ARAP2: variants seen among roughly 807,000 people sequenced by gnomAD.
The protein encoded by ARAP2 is arf-GAP with Rho-GAP domain, ANK repeat and PH domain-containing protein 2.
A neutral mutation model predicts 194.5 loss-of-function variants in ARAP2; 148 were observed. The observed-to-expected ratio is 0.76, with a 90% CI of 0.67 to 0.87. ARAP2 has a LOEUF of 0.87. ARAP2 is among the 40% of genes least tolerant of loss of function. The pLI is 0.00. For synonymous variants in ARAP2, 695 were observed against 683.5 expected (o/e 1.02, Z -0.26); for missense variants, 2,128 against 1,989.7 (o/e 1.07, Z -1.32).
chr4:36,136,678 A>C (rs1726791346), intron 19 of ARAP2, among the ~76,000 whole-genome samples: 1 of 151,834 alleles, frequency 6.6e-6, no homozygotes, highest in Non-Finnish European at 1.5e-5. Flanking sequence ...TTATACAAAA[A>C]TAAAATAGTA....
At chr4:36,156,443 G>GAA (rs1553923351) in intron 15 of ARAP2, among the ~76,000 whole-genome samples, 9 of 16,250 alleles carry the variant, frequency 5.5e-4, no homozygotes, top group African/African-American at 1.6e-3. Context: ...AAGAAAGAAA[G>GAA]AGAAAGAAAG....
At chr4:36,121,397 T>G (rs1722650344) in intron 22 of ARAP2, 71 bp from the exon 23 acceptor site, 2 of 1,414,524 alleles carry the variant, frequency 1.4e-6, no homozygotes, top group Non-Finnish European at 1.9e-6. Flanking sequence ...AAAGCCAGTT[T>G]ATCAATTTTT....
At chr4:36,207,490 T>G (rs1745811377) in intron 6 of ARAP2, among the ~76,000 whole-genome samples, 1 of 152,226 alleles carries the variant, frequency 6.6e-6, no homozygotes, top group Admixed American at 6.5e-5. Context: ...ATTTCTTTTG[T>G]TGTATGGTGT....
At position 36,068,131 on chromosome 4, in the gene ARAP2, G is replaced by A. The variant is rs747621294; in HGVS notation, c.4891C>T (p.Arg1631Trp). The A allele has an allele frequency of 1.5e-5, 25 of 1,613,986 alleles. No individual in the cohort carries two copies. The highest frequency in any genetic ancestry group is 8.3e-5 in the Admixed American group (5 of 60,000). ...DKLRNRPRKH[R>W]SFNCLEDTEP... ...GTGTCCTCCAGGCAGTTGAAACTCC[G>A]ATGTTTTCGGGGTCGATTTCGAAGT... Residue 1631 changes from arginine (R) to tryptophan (W), a missense_variant, in exon 33 of 33, where the codon CGG becomes TGG. By Grantham distance (101) the Arg-to-Trp change is moderately radical. Coordinates refer to ENST00000303965, the MANE Select transcript of ARAP2 (RefSeq NM_015230.4).
At chr4:36,234,537 G>A (rs1257793059) in intron 1 of ARAP2, among the ~76,000 whole-genome samples, 1 of 152,170 alleles carries the variant, frequency 6.6e-6, no homozygotes, top group Non-Finnish European at 1.5e-5. Flanking sequence ...CTGTTCCATA[G>A]ATAGTGTAAT....
chr4:36,014,307 A>AG lies in ARAP2; in HGVS notation n.1056+1078_1056+1079insC, dbSNP rs1560264731. Among the ~76,000 whole-genome samples the AG allele has an allele frequency of 1.0e-3, 127 of 125,636 alleles. 10 individuals carry two copies. The highest frequency in any genetic ancestry group is 3.6e-3 in the African/African-American group (119 of 32,654). The allele number at this position is 125,636 out of a possible 152,430, so 82.4% of individuals were successfully genotyped here. On this transcript the variant is annotated intron_variant and non_coding_transcript_variant, in intron 8 of 12. Coordinates refer to the ARAP2 transcript ENST00000503225. ...AAAGAAAGAAAGAAAGAAGAGAAGG[A>AG]AGGAAAGAAAGAAAGAGAGAAAGAA... is the stretch of plus-strand genomic sequence containing the variant.
In ARAP2 at chr4:36,083,401, C is replaced by G; in HGVS notation, c.4475G>C (p.Arg1492Pro). The change falls in exon 29 of 33, where the codon CGT becomes CCT. Residue 1492 changes from arginine (R) to proline (P), a missense_variant. Physicochemically the swap from Arg to Pro is moderately radical, Grantham distance 103. Coordinates refer to ENST00000303965, the MANE Select transcript of ARAP2 (RefSeq NM_015230.4). ...AGGCTTCATTTTCTTTTTCACTCCACGATAAAACTTCATGGAACTGAGAGA... is the reference window on the plus strand; with the variant it reads ...AGGCTTCATTTTCTTTTTCACTCCAGGATAAAACTTCATGGAACTGAGAGA... ...MFSLSSMKFY[R>P]GVKKKMKPPT... is the part of the protein sequence containing the mutation. The G allele has an allele frequency of 6.2e-7, 1 of 1,608,566 alleles. No individual in the cohort carries two copies. The highest frequency in any genetic ancestry group is 8.5e-7 in the Non-Finnish European group (1 of 1,177,974).
At chr4:36,062,751 A>C (rs1724674871), downstream of ARAP2, among the ~76,000 whole-genome samples, 1 of 152,152 alleles carries the variant, frequency 6.6e-6, no homozygotes, top group Non-Finnish European at 1.5e-5. Flanking sequence ...ACTCATAAAA[A>C]GGGTTAAATC....
intron 5 of ARAP2, among the ~76,000 whole-genome samples, chr4:36,212,098 T>A (rs968833606): frequency 2.0e-5 from 3 of 152,188 alleles, no homozygotes; most frequent in African/African-American, 7.2e-5. Context: ...TAACATAACC[T>A]CTCATCTTTA....
chr4:36,147,816 T>C (rs1469247473), intron 17 of ARAP2, 70 bp from the exon 18 acceptor site: 1 of 1,227,634 alleles, frequency 8.1e-7, no homozygotes, highest in Non-Finnish European at 1.1e-6. Context: ...TCTACTGATA[T>C]GAGAGAAGGT....
chr4:36,209,614 G>A (rs1746296867), intron 6 of ARAP2, among the ~76,000 whole-genome samples: 1 of 152,004 alleles, frequency 6.6e-6, no homozygotes, highest in East Asian at 1.9e-4. Flanking sequence ...AAGAGAATAG[G>A]AGTGAAAACC....
intron 7 of ARAP2, 43 bp downstream of exon 7, chr4:36,193,535 A>G (rs370385178): frequency 3.8e-5 from 50 of 1,330,616 alleles, no homozygotes; most frequent in Non-Finnish European, 4.8e-5. Flanking sequence ...TACTCTTCGT[A>G]TGCATAAAAA....
intron 10 of ARAP2, among the ~76,000 whole-genome samples, chr4:36,165,912 C>T (rs1287153066): frequency 1.3e-5 from 2 of 152,078 alleles, no homozygotes; most frequent in African/African-American, 4.8e-5. Context: ...TCACAGCTAA[C>T]ATATTCTAAA....
chr4:36,026,022 AAAC>A (rs1191725926), intron 5 of ARAP2, among the ~76,000 whole-genome samples: 3 of 152,174 alleles, frequency 2.0e-5, no homozygotes, highest in Non-Finnish European at 4.4e-5. Flanking sequence ...TGCTGAAGGA[AAAC>A]AACAATTTAG....
chr4:36,117,167 A>G (rs1172406359), intron 24 of ARAP2, 32 bp from the exon 25 acceptor site: 2 of 1,468,216 alleles, frequency 1.4e-6, no homozygotes, highest in East Asian at 4.7e-5. Flanking sequence ...AACAACACAG[A>G]TAAACATATT....
At chr4:36,048,342 AG>A (rs1460702911) in intron 3 of ARAP2, among the ~76,000 whole-genome samples, 1 of 151,998 alleles carries the variant, frequency 6.6e-6, no homozygotes, top group Non-Finnish European at 1.5e-5. Context: ...CCAAATAGGT[AG>A]TTTTTCAATA....
At position 36,038,820 on chromosome 4, in the gene ARAP2, G is replaced by A. The variant is rs144521883; in HGVS notation, n.607+7159C>T. On this transcript the variant is annotated intron_variant and non_coding_transcript_variant, in intron 5 of 12. Transcript: ENST00000503225. Reference sequence around the variant, plus strand: ...TTGTTCAAAGAAATAAAATAGATTGGGCTATTCAACAGTGACTGAATTGTT... The same window carrying A: ...TTGTTCAAAGAAATAAAATAGATTGAGCTATTCAACAGTGACTGAATTGTT... Among the ~76,000 whole-genome samples the A allele has an allele frequency of 5.0e-3, 763 of 152,232 alleles. 7 individuals carry two copies. The highest frequency in any genetic ancestry group is 0.017 in the African/African-American group (702 of 41,548).
chr4:36,072,682 A>C (rs2078346), intron 32 of ARAP2, among the ~76,000 whole-genome samples: 20,228 of 99,768 alleles, frequency 0.2, 1,990 homozygotes, highest in African/African-American at 0.35. Context: ...AAAAAACCCC[A>C]AAAAAAACAA....
intron 10 of ARAP2, among the ~76,000 whole-genome samples, chr4:36,166,658 T>G (rs1735351217): frequency 6.7e-6 from 1 of 150,226 alleles, no homozygotes; most frequent in African/African-American, 2.5e-5. Context: ...TCACATATTT[T>G]CAAAAAAAAA....
Sources: gnomAD v4.1 joint callset for allele counts (sites outside exome capture counted in the v4.1 genomes callset) on GRCh38, gnomAD v4.1.1 for gene constraint, MANE v1.5 for transcripts, NCBI Gene and HGNC (gene_info 2026-07-23, HGNC 2026-07-21) for gene names.